The following KLF12 variants were observed in gnomAD, a reference collection of about 807,000 sequenced individuals.
The protein encoded by KLF12 is KLF transcription factor 12.
A neutral mutation model predicts 37.8 loss-of-function variants in KLF12; 9 were observed. The ratio of observed to expected loss-of-function variants is 0.24; its 90% CI spans 0.14 to 0.42. The LOEUF (loss-of-function observed/expected upper bound fraction) is 0.42. Ranked by LOEUF, KLF12 falls within the 10% of genes least tolerant of loss-of-function variation. The pLI, the probability that KLF12 is intolerant of heterozygous loss-of-function variation, is 1.00. For synonymous variants in KLF12, 208 were observed against 202.1 expected (o/e 1.03, Z -0.25); for missense variants, 411 against 516.0 (o/e 0.80, Z 1.97).
intron 1 of KLF12, among the ~76,000 whole-genome samples, chr13:74,017,139 T>C (rs962115512): frequency 1.3e-5 from 2 of 151,800 alleles, no homozygotes; most frequent in African/African-American, 4.8e-5. Flanking sequence ...TGTGTGTATA[T>C]CTTCATTTTG....
intron 3 of KLF12, among the ~76,000 whole-genome samples, chr13:73,854,692 C>A (rs536493700): frequency 1.8e-4 from 27 of 152,278 alleles, no homozygotes; most frequent in African/African-American, 6.5e-4. Context: ...TATAAAATGG[C>A]ACAGTATTTG....
At chr13:74,212,958 TAAG>T in the KLF12 span, among the ~76,000 whole-genome samples, 35 of 151,674 alleles carry the variant, frequency 2.3e-4, no homozygotes, top group Admixed American at 5.9e-4. Flanking sequence ...GTAAAAAAAA[TAAG>T]AAAGTTTCTT....
At chr13:74,087,006 G>A (rs1381412811) in intron 1 of KLF12, among the ~76,000 whole-genome samples, 1 of 152,134 alleles carries the variant, frequency 6.6e-6, no homozygotes, top group Non-Finnish European at 1.5e-5. Flanking sequence ...GTCTTGGGGT[G>A]GCAGAGGTGG....
intron 3 of KLF12, among the ~76,000 whole-genome samples, chr13:73,905,642 T>C (rs537633556): frequency 3.3e-5 from 5 of 152,076 alleles, no homozygotes; most frequent in South Asian, 2.1e-4. Context: ...CCTTATATCA[T>C]TGCAGTACAC....
chr13:74,160,688 C>T, the KLF12 span, among the ~76,000 whole-genome samples: 1 of 152,054 alleles, frequency 6.6e-6, no homozygotes. Flanking sequence ...AGCACATAAT[C>T]CAGAAAGGGA....
chr13:73,740,300 C>T (rs895772583), intron 6 of KLF12, among the ~76,000 whole-genome samples: 1 of 152,088 alleles, frequency 6.6e-6, no homozygotes, highest in Non-Finnish European at 1.5e-5. Context: ...GAAAAGCAGG[C>T]CCTTACCAGA....
chr13:73,948,302 A>G (rs1433606460), intron 2 of KLF12, among the ~76,000 whole-genome samples: 1 of 152,084 alleles, frequency 6.6e-6, no homozygotes, highest in Non-Finnish European at 1.5e-5. Flanking sequence ...GCTTACTGCA[A>G]TCTCTGCCTC....
chr13:74,007,099 CA>C (rs1363940991), intron 1 of KLF12, among the ~76,000 whole-genome samples: 2 of 152,104 alleles, frequency 1.3e-5, no homozygotes, highest in African/African-American at 4.8e-5. Context: ...ATCATCTCCT[CA>C]CGTAGACACA....
chr13:74,292,540 C>T, the KLF12 span, among the ~76,000 whole-genome samples: 2 of 150,982 alleles, frequency 1.3e-5, no homozygotes, highest in South Asian at 4.2e-4. Flanking sequence ...CCTTACTGAT[C>T]ATTTCTTGTC....
At chr13:74,220,169 T>C in the KLF12 span, among the ~76,000 whole-genome samples, 7,692 of 152,264 alleles carry the variant, frequency 0.051, 504 homozygotes, top group African/African-American at 0.15. Context: ...AATGGTTTCT[T>C]TAATTATGTC....
the KLF12 span, among the ~76,000 whole-genome samples, chr13:74,285,918 T>C: frequency 6.6e-6 from 1 of 152,188 alleles, no homozygotes; most frequent in Non-Finnish European, 1.5e-5. Context: ...CTCATACCTC[T>C]GTTTCCAGCT....
rs1430680150 is a variant in KLF12 at position 73,944,074 on chromosome 13, A to G, written c.34-4T>C. Reference sequence around the variant, plus strand: ...TGTTCTCAAAGGTGTTGATATTCTGAGAATAGAAGGGAGAGAGAAAGATTC... The same window carrying G: ...TGTTCTCAAAGGTGTTGATATTCTGGGAATAGAAGGGAGAGAGAAAGATTC... On this transcript the variant is annotated splice_polypyrimidine_tract_variant and splice_region_variant and intron_variant, in intron 2 of 7. Coordinates refer to ENST00000377669, the MANE Select transcript of KLF12 (RefSeq NM_007249.5). 1 of 1,562,498 alleles carries G rather than the reference A, an allele frequency of 6.4e-7. No individual in the cohort carries two copies. The highest frequency in any genetic ancestry group is 1.7e-5 in the Admixed American group (1 of 59,938).
chr13:74,246,096 A>G, the KLF12 span, among the ~76,000 whole-genome samples: 2 of 152,194 alleles, frequency 1.3e-5, no homozygotes, highest in Non-Finnish European at 2.9e-5. Flanking sequence ...GCCTTCCCCA[A>G]ATGCCTATGC....
chr13:73,905,494 G>A lies in KLF12; in HGVS notation c.123+38487C>T, dbSNP rs555247208. 5.5e-4 allele frequency among the ~76,000 whole-genome samples: 84 copies of A among 151,874 alleles called. 7 individuals are homozygous for A. Among genetic ancestry groups the A allele is most frequent in the African/African-American group, 1.9e-3 (78 of 41,268 alleles). ...TTAACCTAAGTCCAAGAATCTCCAT[G>A]AACATTATTTCTTGTTCTCTTGCCA... On this transcript the variant is annotated intron_variant, in intron 3 of 7. Coordinates refer to ENST00000377669, the MANE Select transcript of KLF12 (RefSeq NM_007249.5).
At position 73,722,821 on chromosome 13, in the gene KLF12, A is replaced by C. The variant is rs150974010; in HGVS notation, c.870-7296T>G. ...CAGAATGCGTCTAAAATGCATATTT[A>C]ATTATTGTTTTACTTTAATAAACAA... On this transcript the variant is annotated intron_variant, in intron 6 of 7. Transcript: ENST00000377669. 3.4e-3 allele frequency among the ~76,000 whole-genome samples: 514 copies of C among 152,342 alleles called. 6 individuals are homozygous for C. Among genetic ancestry groups the C allele is most frequent in the African/African-American group, 0.012 (498 of 41,580 alleles).
intron 7 of KLF12, among the ~76,000 whole-genome samples, chr13:73,699,423 T>A (rs1204110319): frequency 6.6e-6 from 1 of 151,416 alleles, no homozygotes; most frequent in Non-Finnish European, 1.5e-5. Flanking sequence ...AAATGAAAAT[T>A]AAAAAAAATT....
chr13:73,708,513 T>C (rs1566309981), intron 7 of KLF12, among the ~76,000 whole-genome samples: 1 of 152,226 alleles, frequency 6.6e-6, no homozygotes, highest in Non-Finnish European at 1.5e-5. Flanking sequence ...TCATACATAC[T>C]GTTAGAGTTC....
At chr13:74,074,153 A>AGG (rs1316274954) in intron 1 of KLF12, among the ~76,000 whole-genome samples, 3 of 152,180 alleles carry the variant, frequency 2.0e-5, no homozygotes, top group Non-Finnish European at 4.4e-5. Flanking sequence ...TTCGAGAGAG[A>AGG]GAGAGAGTGT....
chr13:74,241,839 C>T, the KLF12 span, among the ~76,000 whole-genome samples: 2 of 152,254 alleles, frequency 1.3e-5, no homozygotes, highest in African/African-American at 2.4e-5. Flanking sequence ...CCTGCGCCCA[C>T]TGTCTGGCAC....
Sources: gnomAD v4.1 joint callset for allele counts (sites outside exome capture counted in the v4.1 genomes callset) on GRCh38, gnomAD v4.1.1 for gene constraint, MANE v1.5 for transcripts, NCBI Gene and HGNC (gene_info 2026-07-23, HGNC 2026-07-21) for gene names.